Variants in CTNNA1 observed in about 807,000 individuals in gnomAD.
CTNNA1 encodes the protein catenin alpha 1.
A neutral mutation model predicts 98.4 loss-of-function variants in CTNNA1; 37 were observed. The observed-to-expected ratio is 0.38, with a 90% confidence interval of 0.29 to 0.49. The LOEUF is 0.49. Ranked by LOEUF, CTNNA1 falls within the 20% of genes least tolerant of loss-of-function variation. The pLI is 0.95. For synonymous variants in CTNNA1, 404 were observed against 413.2 expected (o/e 0.98, Z 0.27); for missense variants, 761 against 1,147.2 (o/e 0.66, Z 4.86).
rs1580947045 is a variant in CTNNA1, at chr5:138,934,052, A to G, written c.2684A>G (p.Gln895Arg). 6.2e-7 allele frequency: 1 copy of G among 1,613,604 alleles called. No individual in the cohort carries two copies. The part of the protein sequence containing the change: ...ASQKKHVNPV[Q>R]ALSEFKAMDS... ...CAGAAGAAGCACGTGAACCCGGTGCAGGCCCTCAGCGAGTTCAAAGCTATG... is the reference window on the plus strand; with the variant it reads ...CAGAAGAAGCACGTGAACCCGGTGCGGGCCCTCAGCGAGTTCAAAGCTATG... The change falls in exon 18 of 18, where the codon CAG (glutamine) becomes CGG (arginine). Residue 895 changes from glutamine (Q) to arginine (R), a missense_variant. Physicochemically the swap from Gln to Arg is conservative, Grantham distance 43. Transcript: ENST00000302763.
chr5:138,867,271 C>G (rs180797545), intron 7 of CTNNA1, among the ~76,000 whole-genome samples: 26 of 152,260 alleles, frequency 1.7e-4, no homozygotes, highest in East Asian at 1.5e-3. Context: ...CTCTTAGTCT[C>G]TCTGATCCCA....
Position 138,890,940 on chromosome 5 carries a change from G to A in CTNNA1, c.1296+3298G>A, listed in dbSNP as rs182694365. ...TTATATAATACCTCCCCATCTTAAA[G>A]GTATGTGGAATGCATGATTTTTAGG... On this transcript the variant is annotated intron_variant, in intron 9 of 17. Coordinates refer to ENST00000302763, the MANE Select transcript of CTNNA1 (RefSeq NM_001903.5). 8.1e-4 allele frequency among the ~76,000 whole-genome samples: 123 copies of A among 152,324 alleles called. No homozygotes were observed. The highest frequency in any genetic ancestry group is 9.3e-4 in the Non-Finnish European group (63 of 68,022).
At chr5:138,768,639 A>G (rs1296874217) in intron 1 of CTNNA1, among the ~76,000 whole-genome samples, 5 of 148,644 alleles carry the variant, frequency 3.4e-5, no homozygotes, top group Non-Finnish European at 7.4e-5. Flanking sequence ...TTGCAGGCAC[A>G]ATCACGGCAT....
rs1158956721 is a variant in CTNNA1, at chr5:138,933,910, G to A, written c.2542G>A (p.Gly848Ser). ...CTCTACCAAATACCAAAAGTCACAGGGTATGGCTTCCCTCAACCTTCCTGC... is the reference window on the plus strand; with the variant it reads ...CTCTACCAAATACCAAAAGTCACAGAGTATGGCTTCCCTCAACCTTCCTGC... ...VASTKYQKSQ[G>S]MASLNLPAVS... is the part of the protein sequence containing the mutation. The change falls in exon 18 of 18, where the codon GGT (glycine) becomes AGT (serine). Residue 848 changes from glycine to serine, a missense_variant. Physicochemically the swap from Gly to Ser is moderately conservative, Grantham distance 56. Transcript: ENST00000302763. The A allele has an allele frequency of 5.0e-6, 8 of 1,614,054 alleles. No homozygotes were observed. The Admixed American group carries it at 1.3e-4, about 27-fold the overall frequency.
intron 1 of CTNNA1, among the ~76,000 whole-genome samples, chr5:138,761,304 G>C (rs577772938): frequency 1.3e-5 from 2 of 151,676 alleles, no homozygotes; most frequent in African/African-American, 4.8e-5. Context: ...GCATGATCTC[G>C]GCTCACTGCA....
chr5:138,914,243 G>T (rs565932698), intron 10 of CTNNA1, among the ~76,000 whole-genome samples: 24 of 152,280 alleles, frequency 1.6e-4, no homozygotes, highest in African/African-American at 5.5e-4. Flanking sequence ...TGTTTACTTG[G>T]CTCTCTTCGG....
chr5:138,754,767 A>G (rs1751434615), intron 1 of CTNNA1: 1 of 152,140 alleles, frequency 6.6e-6, no homozygotes, highest in South Asian at 2.1e-4. Context: ...CTTTTGAACA[A>G]ACATTTTTTT....
intron 13 of CTNNA1, chr5:138,925,608 GA>G (rs954998432): frequency 2.9e-6 from 2 of 693,194 alleles, no homozygotes; most frequent in African/African-American, 3.6e-5. Flanking sequence ...CTTGGGCCAA[GA>G]AGGGGAGCTA....
At chr5:138,792,208 ATG>A (rs1325938224) in intron 3 of CTNNA1, among the ~76,000 whole-genome samples, 2 of 152,216 alleles carry the variant, frequency 1.3e-5, no homozygotes, top group Non-Finnish European at 2.9e-5. Context: ...ATGTATGTGT[ATG>A]TGTATATATA....
chr5:138,934,124 C>T lies in CTNNA1; in HGVS notation c.*35C>T. ...GGCCGGCCGCCCCCACCCCTCGGGG[C>T]TCCTGAATATCAGTCACTGTTCGTC... On this transcript the variant is annotated 3_prime_UTR_variant, in exon 18 of 18. Transcript: ENST00000302763. 1.3e-6 allele frequency: 2 copies of T among 1,530,546 alleles called. No homozygotes were observed. Among genetic ancestry groups the T allele is most frequent in the Non-Finnish European group, 1.8e-6 (2 of 1,116,528 alleles). The allele number at this position is 1,530,546 out of a possible 1,614,324, so 94.8% of individuals were successfully genotyped here. A position where few individuals can be genotyped will look rare whatever the true frequency, so the allele number is the denominator to read the frequency against.
At chr5:138,918,997 A>G (rs897633715) in intron 11 of CTNNA1, among the ~76,000 whole-genome samples, 2 of 152,330 alleles carry the variant, frequency 1.3e-5, no homozygotes, top group East Asian at 3.9e-4. Context: ...CTCTCTCCTT[A>G]GGATGGGTAG....
In CTNNA1 at chr5:138,827,579, G is replaced by A. The variant is rs376445678; in HGVS notation, c.923G>A (p.Arg308His). The change falls in exon 7 of 18, where the codon CGT (arginine) becomes CAT (histidine). Residue 308 changes from arginine (R) to histidine (H), a missense_variant. By Grantham distance (29) the Arg-to-His change is conservative (BLOSUM62 0). Around this residue, in one of 6 missense-constraint regions of CTNNA1, gnomAD observed 287 missense variants for 436.0 expected, o/e 0.66. Coordinates refer to ENST00000302763, the MANE Select transcript of CTNNA1 (RefSeq NM_001903.5). ...EERFRPSLEE[R>H]LESIISGAAL... The stretch of plus-strand genomic sequence containing the variant: ...CGCTTTAGGCCTTCCCTGGAGGAGC[G>A]TCTGGAAAGCATCATTAGTGGGGCT... The A allele has an allele frequency of 9.3e-6, 15 of 1,614,226 alleles. No individual in the cohort carries two copies. The highest frequency in any genetic ancestry group is 4.4e-5 in the South Asian group (4 of 91,084).
chr5:138,791,787 C>G (rs1484124932), intron 3 of CTNNA1, among the ~76,000 whole-genome samples: 1 of 92,264 alleles, frequency 1.1e-5, no homozygotes, highest in South Asian at 3.8e-4. Flanking sequence ...GTTTTCTCAG[C>G]TTTTTTTTTT....
At chr5:138,788,028 T>A (rs1194933615) in intron 3 of CTNNA1, among the ~76,000 whole-genome samples, 1 of 152,238 alleles carries the variant, frequency 6.6e-6, no homozygotes, top group Non-Finnish European at 1.5e-5. Flanking sequence ...AGTAGCTACC[T>A]TATATAGGCA....
intron 7 of CTNNA1, among the ~76,000 whole-genome samples, chr5:138,881,660 A>G (rs1448046119): frequency 1.3e-5 from 2 of 152,176 alleles, no homozygotes; most frequent in Non-Finnish European, 1.5e-5. Context: ...GAAGGTCCCT[A>G]CTGTATGGAT....
intron 10 of CTNNA1, among the ~76,000 whole-genome samples, chr5:138,912,106 G>GT (rs1760765140): frequency 6.6e-6 from 1 of 152,206 alleles, no homozygotes. Flanking sequence ...CACCAAGGGA[G>GT]TGAGTCTACG....
Position 138,783,040 on chromosome 5 carries a change from A to C in CTNNA1, c.106-137A>C, listed in dbSNP as rs1198416605. 5 of 620,888 alleles carry C rather than the reference A, an allele frequency of 8.1e-6. No homozygotes were observed. In the African/African-American group the frequency reaches 9.1e-5, roughly 11 times the overall value. The allele number at this position is 620,888 out of a possible 1,614,324, so 38.5% of individuals were successfully genotyped here. A position where few individuals can be genotyped will look rare whatever the true frequency, so the allele number is the denominator to read the frequency against. ...ATAGCATCATTGCTGTATATCTTAA[A>C]TATGGGGAATTGTATGTTAATGTTC... On this transcript the variant is annotated intron_variant, in intron 2 of 17. Coordinates refer to ENST00000302763, the MANE Select transcript of CTNNA1 (RefSeq NM_001903.5).
rs756785995 is a variant in CTNNA1 at position 138,873,688 on chromosome 5, G to T, written c.1063-12524G>T. ...GGGAGTTTAAGATCTTGGAATCAAG[G>T]CTGTTTAACTTGTTGTTATCCATGA... On this transcript the variant is annotated intron_variant, in intron 7 of 17. Coordinates refer to ENST00000302763, the MANE Select transcript of CTNNA1 (RefSeq NM_001903.5). This position sits in a 1 kb window ranked among gnomAD's most constrained non-coding sequence, Gnocchi z 6.1. 1 of 1,613,996 alleles carries T rather than the reference G, an allele frequency of 6.2e-7. No individual in the cohort carries two copies. The highest frequency in any genetic ancestry group is 2.2e-5 in the East Asian group (1 of 44,884).
At chr5:138,928,743 G>A (rs1299102555) in intron 13 of CTNNA1, among the ~76,000 whole-genome samples, 2 of 152,194 alleles carry the variant, frequency 1.3e-5, no homozygotes, top group African/African-American at 4.8e-5. Context: ...AGACCAGCCT[G>A]ACCAACATGG....
Sources: allele counts gnomAD v4.1 joint callset (sites outside exome capture counted in the v4.1 genomes callset), GRCh38; gene constraint gnomAD v4.1.1; regional missense constraint gnomAD v4.1.1; non-coding constraint Gnocchi (gnomAD v3.1); transcripts MANE v1.5; gene names NCBI Gene and HGNC (gene_info 2026-07-23, HGNC 2026-07-21).